The following DPP10 variants were observed in gnomAD, a reference collection of about 807,000 sequenced individuals.
The protein encoded by DPP10 is dipeptidyl peptidase like 10.
Under a neutral mutation model 120.9 loss-of-function variants are expected in DPP10, and 33 were observed. The ratio of observed to expected loss-of-function variants is 0.27; its 90% CI spans 0.21 to 0.37. The LOEUF is 0.37. DPP10 is among the 10% of genes least tolerant of loss of function. The probability of loss-of-function intolerance (pLI) is 1.00; values close to 1 mark genes in which losing one functional copy is unlikely to be tolerated. For synonymous variants in DPP10, 337 were observed against 326.1 expected, an observed-to-expected ratio of 1.03 and a Z score of -0.36; for missense variants, 816 against 942.8, an observed-to-expected ratio of 0.87 and a Z score of 1.76.
chr2:115,632,276 C>G (rs975294216), intron 5 of DPP10, among the ~76,000 whole-genome samples: 2 of 151,954 alleles, frequency 1.3e-5, no homozygotes, highest in African/African-American at 4.8e-5. Flanking sequence ...TAAATTTTCC[C>G]CCATCCCTTT....
intron 3 of DPP10, among the ~76,000 whole-genome samples, chr2:115,495,036 T>A (rs2076319575): frequency 6.6e-6 from 1 of 152,118 alleles, no homozygotes; most frequent in Non-Finnish European, 1.5e-5. Flanking sequence ...GATTTCAACT[T>A]CTCAGAAGAC....
intron 1 of DPP10, among the ~76,000 whole-genome samples, chr2:114,531,385 TA>T (rs1261654274): frequency 4.6e-5 from 7 of 151,632 alleles, no homozygotes; most frequent in African/African-American, 1.7e-4. Flanking sequence ...ATGATGATGA[TA>T]GAGAAGTATT....
chr2:115,255,898 T>A (rs908466578), intron 1 of DPP10, among the ~76,000 whole-genome samples: 2 of 152,158 alleles, frequency 1.3e-5, no homozygotes, highest in Non-Finnish European at 2.9e-5. Flanking sequence ...TCTAGGAAGT[T>A]CCAAAGTTTC....
At chr2:115,149,218 G>T (rs570744593) in intron 1 of DPP10, among the ~76,000 whole-genome samples, 6 of 152,252 alleles carry the variant, frequency 3.9e-5, no homozygotes, top group African/African-American at 1.2e-4. Flanking sequence ...CTTTCATCAG[G>T]AGGCAAATTG....
At chr2:115,701,065 C>CT (rs1227714336) in intron 7 of DPP10, among the ~76,000 whole-genome samples, 1 of 151,964 alleles carries the variant, frequency 6.6e-6, no homozygotes, top group African/African-American at 2.4e-5. Context: ...CAAATAATGT[C>CT]TTTTTTGCAG....
At chr2:114,597,626 A>G (rs1341494368) in intron 1 of DPP10, among the ~76,000 whole-genome samples, 1 of 151,920 alleles carries the variant, frequency 6.6e-6, no homozygotes, top group Non-Finnish European at 1.5e-5. Context: ...CACTTAGGTG[A>G]TGGAAATTTG....
chr2:114,935,800 A>T (rs1696415553), intron 1 of DPP10, among the ~76,000 whole-genome samples: 1 of 151,988 alleles, frequency 6.6e-6, no homozygotes, highest in Non-Finnish European at 1.5e-5. Flanking sequence ...GTGCCTCCAG[A>T]CAATCTTACG....
chr2:115,566,269 A>G (rs913908493), intron 5 of DPP10, among the ~76,000 whole-genome samples: 4 of 152,086 alleles, frequency 2.6e-5, no homozygotes, highest in Non-Finnish European at 4.4e-5. Context: ...ATATAAATAT[A>G]TCTTATATAC....
chr2:115,189,786 C>T (rs1384430808), intron 1 of DPP10, among the ~76,000 whole-genome samples: 2 of 152,144 alleles, frequency 1.3e-5, no homozygotes, highest in African/African-American at 4.8e-5. Context: ...CATGCTATGA[C>T]ACAACACCCG....
At chr2:115,394,799 GT>G (rs1207199573) in intron 3 of DPP10, among the ~76,000 whole-genome samples, 4 of 151,964 alleles carry the variant, frequency 2.6e-5, no homozygotes, top group South Asian at 4.2e-4. Flanking sequence ...AGTGAGGTGG[GT>G]TTTTTTTAAT....
In DPP10 at chr2:115,171,358, CAAA is replaced by C. The variant is rs752738778; in HGVS notation, c.61-137867_61-137865del. 6.6e-4 allele frequency among the ~76,000 whole-genome samples: 75 copies of C among 114,360 alleles called. 1 individual carries two copies. The highest frequency in any genetic ancestry group is 1.1e-3 in the African/African-American group (34 of 31,722). 75.0% of individuals were successfully genotyped at this position (114,360 alleles called of 152,430 possible). ...TCTGGGTGGCAGAGCGAGACTCCAT[CAAA>C]AAAAAAAAAAAAAGAAAAGAAAAGA... On this transcript the variant is annotated intron_variant, in intron 1 of 25. Transcript: ENST00000410059.
intron 5 of DPP10, among the ~76,000 whole-genome samples, chr2:115,674,513 T>C (rs1476548645): frequency 6.6e-6 from 1 of 152,186 alleles, no homozygotes; most frequent in Non-Finnish European, 1.5e-5. Context: ...AAAATGTTAA[T>C]TACTGAACCT....
At chr2:115,136,414 A>G (rs1428140602) in intron 1 of DPP10, among the ~76,000 whole-genome samples, 1 of 152,198 alleles carries the variant, frequency 6.6e-6, no homozygotes, top group Non-Finnish European at 1.5e-5. Flanking sequence ...TGTTATTCTC[A>G]TAGTATTTAC....
intron 1 of DPP10, among the ~76,000 whole-genome samples, chr2:114,880,292 T>C (rs1227896079): frequency 1.3e-5 from 2 of 152,184 alleles, no homozygotes; most frequent in Non-Finnish European, 2.9e-5. Flanking sequence ...TATTGCCTCA[T>C]TAACAAATTT....
intron 3 of DPP10, among the ~76,000 whole-genome samples, chr2:115,365,825 A>T (rs1201373668): frequency 6.6e-6 from 1 of 151,980 alleles, no homozygotes; most frequent in Non-Finnish European, 1.5e-5. Context: ...ATCATTTCAA[A>T]CCTGTTTGGG....
intron 1 of DPP10, among the ~76,000 whole-genome samples, chr2:114,824,514 A>T (rs1686359456): frequency 6.6e-6 from 1 of 152,222 alleles, no homozygotes; most frequent in Non-Finnish European, 1.5e-5. Flanking sequence ...TTTAGACAAA[A>T]GGTGGTTCTG....
chr2:115,695,970 A>G (rs963261683), intron 7 of DPP10, among the ~76,000 whole-genome samples: 4 of 152,168 alleles, frequency 2.6e-5, no homozygotes, highest in Non-Finnish European at 5.9e-5. Context: ...CTGAAATAAC[A>G]GTTTTACTAG....
chr2:114,661,010 A>G (rs561938551), intron 1 of DPP10, among the ~76,000 whole-genome samples: 78 of 152,344 alleles, frequency 5.1e-4, no homozygotes, highest in Non-Finnish European at 9.4e-4. Context: ...TCTGCTTGCT[A>G]AAATCAGAAT....
chr2:114,646,723 A>G (rs1573876161), intron 1 of DPP10, among the ~76,000 whole-genome samples: 1 of 152,166 alleles, frequency 6.6e-6, no homozygotes, highest in Middle Eastern at 3.4e-3. Context: ...TCAGTATTTT[A>G]TGTCTGCATC....
Sources: gnomAD v4.1 joint callset for allele counts (sites outside exome capture counted in the v4.1 genomes callset) on GRCh38, gnomAD v4.1.1 for gene constraint, MANE v1.5 for transcripts, NCBI Gene and HGNC (gene_info 2026-07-23, HGNC 2026-07-21) for gene names.